CSMD3: variants seen among roughly 807,000 people sequenced by gnomAD.
CSMD3 encodes the protein CUB and Sushi multiple domains 3.
In CSMD3, 177 loss-of-function variants were observed where a neutral mutation model predicts 435.2. The ratio of observed to expected loss-of-function variants is 0.41; its 90% CI spans 0.36 to 0.46. The LOEUF is 0.46. Ranked by LOEUF, CSMD3 falls within the 20% of genes least tolerant of loss-of-function variation. The pLI, the probability that CSMD3 is intolerant of heterozygous loss-of-function variation, is 0.34. For synonymous variants in CSMD3, 1,656 were observed against 1,520.5 expected (o/e 1.09, Z -2.07); for missense variants, 4,265 against 4,504.6 (o/e 0.95, Z 1.52).
At chr8:113,342,731 A>T (rs931624487) in intron 1 of CSMD3, among the ~76,000 whole-genome samples, 1 of 152,130 alleles carries the variant, frequency 6.6e-6, no homozygotes, top group Non-Finnish European at 1.5e-5. Context: ...CTTTCCATAG[A>T]TCTCACTCAC....
chr8:113,252,061 T>C (rs2093339366), intron 3 of CSMD3, among the ~76,000 whole-genome samples: 1 of 152,074 alleles, frequency 6.6e-6, no homozygotes, highest in Admixed American at 6.6e-5. Context: ...TTCATACTGC[T>C]GCTATTATAC....
chr8:112,956,071 A>G (rs2084006498), intron 7 of CSMD3, among the ~76,000 whole-genome samples: 1 of 152,166 alleles, frequency 6.6e-6, no homozygotes. Context: ...TTTTAAAAAA[A>G]GAGGAATATT....
intron 4 of CSMD3, among the ~76,000 whole-genome samples, chr8:113,162,631 T>G (rs2092067353): frequency 6.6e-6 from 1 of 150,394 alleles, no homozygotes; most frequent in South Asian, 2.1e-4. Flanking sequence ...ATTCCAATCC[T>G]AGATTTACCT....
Position 112,228,853 on chromosome 8 carries a change from G to C in CSMD3, c.10867C>G (p.Pro3623Ala), listed in dbSNP as rs1409090151. 5 of 1,589,472 alleles carry C rather than the reference G, an allele frequency of 3.1e-6. No individual in the cohort carries two copies. The highest frequency in any genetic ancestry group is 4.3e-6 in the Non-Finnish European group (5 of 1,158,630). Residue 3623 changes from proline to alanine, a missense_variant, in exon 70 of 71, where the codon CCT (proline) becomes GCT (alanine). Physicochemically the swap from Pro to Ala is conservative, Grantham distance 27. Around this residue, in one of 3 missense-constraint regions of CSMD3, gnomAD observed 3,255 missense variants for 3,380.2 expected, o/e 0.96. Coordinates refer to ENST00000297405, the MANE Select transcript of CSMD3 (RefSeq NM_198123.2). ...MSEGSNSSNQ[P>A]HGTNSSSVAI... ...ACAGAACTACTATTTGTACCATGAG[G>C]TTGATTTGAAGAATTTGAACCTTCT...
At chr8:112,422,816 A>C (rs954841691) in intron 32 of CSMD3, among the ~76,000 whole-genome samples, 1 of 152,220 alleles carries the variant, frequency 6.6e-6, no homozygotes, top group Non-Finnish European at 1.5e-5. Context: ...TAACTCTGTC[A>C]AAGACAATGA....
At chr8:113,436,440 T>A (rs1363669515) in intron 1 of CSMD3, among the ~76,000 whole-genome samples, 2 of 152,232 alleles carry the variant, frequency 1.3e-5, no homozygotes, top group Non-Finnish European at 2.9e-5. Context: ...CGTATTCGTT[T>A]GAGCATACTG....
chr8:112,633,428 T>G (rs2074572076), intron 22 of CSMD3, among the ~76,000 whole-genome samples: 1 of 152,024 alleles, frequency 6.6e-6, no homozygotes, highest in Non-Finnish European at 1.5e-5. Flanking sequence ...TTGAGTATTT[T>G]TATAGACATC....
chr8:112,247,376 A>G (rs1452588738), intron 63 of CSMD3, among the ~76,000 whole-genome samples: 4 of 152,318 alleles, frequency 2.6e-5, no homozygotes, highest in Admixed American at 6.5e-5. Context: ...ATAGAAACCA[A>G]GCTTTTTTGC....
intron 5 of CSMD3, among the ~76,000 whole-genome samples, chr8:113,090,313 G>T (rs894630226): frequency 3.3e-5 from 5 of 152,066 alleles, no homozygotes; most frequent in Admixed American, 2.0e-4. Context: ...ATATTTTGAT[G>T]ATCTGAATTA....
At chr8:113,027,719 C>T (rs866136748) in intron 5 of CSMD3, among the ~76,000 whole-genome samples, 30 of 152,010 alleles carry the variant, frequency 2.0e-4, no homozygotes, top group Non-Finnish European at 4.0e-4. Context: ...TCCTTCTCCC[C>T]TTTTACTCTT....
At chr8:112,631,320 C>T (rs2074507988) in intron 22 of CSMD3, among the ~76,000 whole-genome samples, 1 of 151,998 alleles carries the variant, frequency 6.6e-6, no homozygotes, top group Non-Finnish European at 1.5e-5. Flanking sequence ...TAGCAGAGTT[C>T]AGTAATTGTA....
intron 22 of CSMD3, among the ~76,000 whole-genome samples, chr8:112,632,787 T>C (rs894661432): frequency 6.6e-6 from 1 of 151,986 alleles, no homozygotes; most frequent in African/African-American, 2.4e-5. Flanking sequence ...AATCAACTTA[T>C]CAACTTACCG....
At chr8:112,932,455 C>T (rs990664719) in intron 9 of CSMD3, among the ~76,000 whole-genome samples, 2 of 152,004 alleles carry the variant, frequency 1.3e-5, no homozygotes, top group Non-Finnish European at 1.5e-5. Context: ...ACCATGTTAG[C>T]CAGGGTGGTC....
At chr8:112,956,689 G>C (rs2084031347) in intron 7 of CSMD3, among the ~76,000 whole-genome samples, 3 of 152,046 alleles carry the variant, frequency 2.0e-5, no homozygotes, top group African/African-American at 7.2e-5. Context: ...TAAATAATAA[G>C]TTACTAATAT....
intron 4 of CSMD3, among the ~76,000 whole-genome samples, chr8:113,132,436 T>G (rs1009533191): frequency 2.0e-5 from 3 of 152,040 alleles, no homozygotes; most frequent in African/African-American, 7.2e-5. Context: ...GCTGTTGTCA[T>G]AATAAGTGAG....
chr8:113,099,013 A>G, intron 4 of CSMD3, 50 bp from the exon 5 acceptor site: 1 of 1,226,204 alleles, frequency 8.2e-7, no homozygotes, highest in Non-Finnish European at 1.2e-6. Flanking sequence ...GATAAATGCA[A>G]TTGTTCAGTT....
chr8:112,644,818 CTTG>C (rs2074934157), intron 20 of CSMD3, among the ~76,000 whole-genome samples: 1 of 152,024 alleles, frequency 6.6e-6, no homozygotes, highest in African/African-American at 2.4e-5. Flanking sequence ...CTAAAGCCCT[CTTG>C]TTTGAGGTTT....
At chr8:113,259,902 G>A (rs2093413331) in intron 3 of CSMD3, among the ~76,000 whole-genome samples, 1 of 152,024 alleles carries the variant, frequency 6.6e-6, no homozygotes, top group Admixed American at 6.6e-5. Flanking sequence ...CCCATGTGTG[G>A]TGGTAGGGGC....
chr8:113,182,249 T>C (rs1220821504), intron 3 of CSMD3, among the ~76,000 whole-genome samples: 1 of 152,044 alleles, frequency 6.6e-6, no homozygotes, highest in Non-Finnish European at 1.5e-5. Flanking sequence ...AGGAAGACTA[T>C]TTTATGAAAT....
Sources: gnomAD v4.1 joint callset for allele counts (sites outside exome capture counted in the v4.1 genomes callset) on GRCh38, gnomAD v4.1.1 for gene constraint, gnomAD v4.1.1 regional missense constraint, MANE v1.5 for transcripts, NCBI Gene and HGNC (gene_info 2026-07-23, HGNC 2026-07-21) for gene names.